IL10RB: variants seen among roughly 807,000 people sequenced by gnomAD.
The protein encoded by IL10RB is interleukin-10 receptor subunit beta.
In IL10RB, 30 loss-of-function variants were observed where a neutral mutation model predicts 38.7. That is an observed-to-expected ratio of 0.78 (90% CI 0.58 to 1.05). The LOEUF is 1.05. IL10RB is among the 50% of genes least tolerant of loss of function. The pLI, the probability that IL10RB is intolerant of heterozygous loss-of-function variation, is 0.00. For synonymous variants in IL10RB, 142 were observed against 145.9 expected, an observed-to-expected ratio of 0.97 and a Z score of 0.19; for missense variants, 328 against 397.1, an observed-to-expected ratio of 0.83 and a Z score of 1.48.
chr21:33,296,151 A>T (rs2082964898), intron 6 of IL10RB, 33 bp from the exon 7 acceptor site: 1 of 1,572,264 alleles, frequency 6.4e-7, no homozygotes, highest in Non-Finnish European at 8.8e-7. Context: ...AATGGAGAAA[A>T]TTGATCATTA....
At position 33,280,270 on chromosome 21, in the gene IL10RB, C is replaced by T. The variant is rs544027850; in HGVS notation, c.498+352C>T. On this transcript the variant is annotated intron_variant, in intron 4 of 6. Transcript: ENST00000290200. ...ATCAACCCCTGTGTCCCACACACAC[C>T]GCAAATCAGGGACGTCCGTGGTCAA... Among the ~76,000 whole-genome samples the T allele has an allele frequency of 3.1e-4, 47 of 152,250 alleles. No homozygotes were observed. In the South Asian group the frequency reaches 3.5e-3, roughly 11 times the overall value.
chr21:33,279,640 A>G, intron 3 of IL10RB, 112 bp from the exon 4 acceptor site: 1 of 895,644 alleles, frequency 1.1e-6, no homozygotes, highest in Non-Finnish European at 1.9e-6. Flanking sequence ...ACAATAGTAT[A>G]TCAAAGCAGT....
At chr21:33,267,704 TG>T (rs1988994208) in intron 1 of IL10RB, among the ~76,000 whole-genome samples, 1 of 151,882 alleles carries the variant, frequency 6.6e-6, no homozygotes, top group Non-Finnish European at 1.5e-5. Flanking sequence ...TTATTGGAGA[TG>T]GGGTTTCGCC....
chr21:33,268,586 G>T, intron 2 of IL10RB, 69 bp downstream of exon 2: 1 of 1,096,220 alleles, frequency 9.1e-7, no homozygotes, highest in Non-Finnish European at 1.4e-6. Context: ...ACTGGGTTGG[G>T]CCACAGGAGG....
intron 1 of IL10RB, among the ~76,000 whole-genome samples, chr21:33,303,234 T>C (rs1248849518): frequency 6.6e-6 from 1 of 152,094 alleles, no homozygotes; most frequent in Non-Finnish European, 1.5e-5. Context: ...AGAGATGACC[T>C]TCACCCCCAC....
At chr21:33,293,670 A>C (rs958562277) in intron 6 of IL10RB, among the ~76,000 whole-genome samples, 1 of 151,978 alleles carries the variant, frequency 6.6e-6, no homozygotes. Flanking sequence ...AAAATACAAA[A>C]ATTAGCCACG....
chr21:33,296,619 G>A lies in IL10RB; in HGVS notation c.*262G>A, dbSNP rs2082968423. The A allele has an allele frequency of 6.5e-6, 4 of 611,752 alleles. No homozygotes were observed. The highest frequency in any genetic ancestry group is 2.1e-5 in the Admixed American group (1 of 46,914). 37.9% of individuals were successfully genotyped at this position (611,752 alleles called of 1,614,324 possible). The stretch of plus-strand genomic sequence containing the variant: ...TTGGCCACTGAGAGTGTAATTTTCA[G>A]CCTTTTATATCACTAAAATAAGATC... On this transcript the variant is annotated 3_prime_UTR_variant, in exon 7 of 7. Transcript: ENST00000290200.
At chr21:33,294,379 G>A (rs1989549553) in intron 6 of IL10RB, among the ~76,000 whole-genome samples, 1 of 122,822 alleles carries the variant, frequency 8.1e-6, no homozygotes, top group Non-Finnish European at 1.6e-5. Context: ...TTGTGTGTGT[G>A]TGTGTGTGTG....
rs541639739 is a variant in IL10RB, at chr21:33,268,123, C to A, written c.50-271C>A. On this transcript the variant is annotated intron_variant, in intron 1 of 6. Transcript: ENST00000290200. The stretch of plus-strand genomic sequence containing the variant: ...AATATATCTGAAATCCATGTGCCCA[C>A]CCTACCCCCTCATAGCTTTCTGCCA... 347 of 900,484 alleles carry A rather than the reference C, an allele frequency of 3.9e-4. 1 individual carries two copies. Among genetic ancestry groups the A allele is most frequent in the Non-Finnish European group, 5.1e-4 (322 of 637,380 alleles). 55.8% of individuals were successfully genotyped at this position (900,484 alleles called of 1,614,324 possible). A position where few individuals can be genotyped will look rare whatever the true frequency, so the allele number is the denominator to read the frequency against.
intron 2 of IL10RB, among the ~76,000 whole-genome samples, chr21:33,273,384 G>A (rs1989114805): frequency 6.6e-6 from 1 of 152,116 alleles, no homozygotes; most frequent in Non-Finnish European, 1.5e-5. Context: ...GTGTGTGATA[G>A]CGTTATGTCT....
At chr21:33,291,085 A>G (rs764354542) in intron 6 of IL10RB, among the ~76,000 whole-genome samples, 3 of 151,918 alleles carry the variant, frequency 2.0e-5, no homozygotes, top group Non-Finnish European at 2.9e-5. Flanking sequence ...CTTGATCTTC[A>G]CAAGCCTTCT....
At chr21:33,278,516 G>A (rs1989220656) in intron 3 of IL10RB, among the ~76,000 whole-genome samples, 1 of 152,104 alleles carries the variant, frequency 6.6e-6, no homozygotes. Flanking sequence ...TTGCTAACTG[G>A]CTTACCAGGT....
intron 2 of IL10RB, among the ~76,000 whole-genome samples, chr21:33,272,857 A>G (rs1195031820): frequency 2.0e-5 from 3 of 152,212 alleles, no homozygotes; most frequent in African/African-American, 7.2e-5. Flanking sequence ...TTTCCCTAGC[A>G]TCCAACAGGC....
At position 33,288,183 on chromosome 21, in the gene IL10RB, C is replaced by T. The variant is rs534538768; in HGVS notation, c.726C>T (p.Phe242=). 13 of 1,614,018 alleles carry T rather than the reference C, an allele frequency of 8.1e-6. No individual in the cohort carries two copies. The highest frequency in any genetic ancestry group is 2.2e-5 in the East Asian group (1 of 44,878). The part of the protein sequence containing the change: ...FMVCLALLGC[F]ALLWCVYKKT... Reference sequence around the variant, plus strand: ...TCTGCCTGGCACTCCTCGGCTGCTTCGCCTTGCTGTGGTGCGTTTACAAGA... The same window carrying T: ...TCTGCCTGGCACTCCTCGGCTGCTTTGCCTTGCTGTGGTGCGTTTACAAGA... Residue 242 remains phenylalanine, a synonymous_variant, in exon 6 of 7, where the codon TTC becomes TTT. Transcript: ENST00000290200.
intron 2 of IL10RB, among the ~76,000 whole-genome samples, chr21:33,272,056 T>A (rs1989091806): frequency 6.6e-6 from 1 of 152,204 alleles, no homozygotes; most frequent in Non-Finnish European, 1.5e-5. Context: ...ACCGCTGGAT[T>A]TTCCAAATGA....
At chr21:33,290,892 G>A (rs949848298) in intron 6 of IL10RB, among the ~76,000 whole-genome samples, 1 of 152,214 alleles carries the variant, frequency 6.6e-6, no homozygotes, top group Non-Finnish European at 1.5e-5. Context: ...TTGCGCAGCT[G>A]TAACAACGGG....
chr21:33,288,369 ACACG>A (rs987525304), intron 6 of IL10RB, 108 bp downstream of exon 6: 45 of 756,514 alleles, frequency 5.9e-5, no homozygotes, highest in African/African-American at 4.7e-4. Context: ...AGGAAAACAC[ACACG>A]CGCGCGCGCA....
intron 5 of IL10RB, 41 bp downstream of exon 5, chr21:33,283,282 C>T: frequency 3.1e-6 from 5 of 1,599,582 alleles, no homozygotes; most frequent in Non-Finnish European, 3.4e-6. Flanking sequence ...TCCTAAACAG[C>T]TTTATAGACA....
rs914223625 is a variant in IL10RB at position 33,277,648 on chromosome 21, C to CT, written c.331+902dup. On this transcript the variant is annotated intron_variant, in intron 3 of 6. Transcript: ENST00000290200. Reference sequence around the variant, plus strand: ...TGGATCACTTGAGCCCAGGAATTTTCTTTTTTTCTTTCTTTCTTTCTTTTT... The same window carrying CT: ...TGGATCACTTGAGCCCAGGAATTTTCTTTTTTTTCTTTCTTTCTTTCTTTTT... 1.5e-4 allele frequency among the ~76,000 whole-genome samples: 19 copies of CT among 124,682 alleles called. No homozygotes were observed. The East Asian group carries it at 4.3e-3, about 28-fold the overall frequency. The allele number at this position is 124,682 out of a possible 152,430, so 81.8% of individuals were successfully genotyped here.
Sources: gnomAD v4.1 joint callset for allele counts (sites outside exome capture counted in the v4.1 genomes callset) on GRCh38, gnomAD v4.1.1 for gene constraint, MANE v1.5 for transcripts, NCBI Gene and HGNC (gene_info 2026-07-23, HGNC 2026-07-21) for gene names.